The following UBE3A variants were observed in gnomAD, a reference collection of about 807,000 sequenced individuals.
The protein encoded by UBE3A is ubiquitin-protein ligase E3A.
In UBE3A, 6 loss-of-function variants were observed where a neutral mutation model predicts 83.4. The ratio of observed to expected loss-of-function variants is 0.07; its 90% confidence interval spans 0.04 to 0.14. The LOEUF (loss-of-function observed/expected upper bound fraction) is 0.14, where lower values mean the gene tolerates loss of function less well. UBE3A is among the 10% of genes least tolerant of loss of function. UBE3A has a pLI of 1.00. For missense variants in UBE3A, 456 were observed against 1,036.1 expected (o/e 0.44, Z 7.69); for synonymous variants, 337 against 355.4 (o/e 0.95, Z 0.58).
At chr15:25,387,650 A>G (rs974497140) in intron 4 of UBE3A, among the ~76,000 whole-genome samples, 67 of 152,222 alleles carry the variant, frequency 4.4e-4, no homozygotes, top group African/African-American at 1.6e-3. Flanking sequence ...ATGAAATTGA[A>G]AACAAGATAT....
chr15:25,435,317 C>T (rs1193695848), intron 1 of UBE3A, among the ~76,000 whole-genome samples: 1 of 152,100 alleles, frequency 6.6e-6, no homozygotes, highest in African/African-American at 2.4e-5. Context: ...TCTTTCTTGT[C>T]TTTGTGGGTC....
intron 1 of UBE3A, among the ~76,000 whole-genome samples, chr15:25,421,182 C>T (rs1017865931): frequency 5.3e-5 from 8 of 152,094 alleles, no homozygotes; most frequent in African/African-American, 1.9e-4. Flanking sequence ...CAGATGTGGT[C>T]GTTTAAAAAG....
chr15:25,378,131 A>C (rs2081530057), intron 4 of UBE3A, among the ~76,000 whole-genome samples: 1 of 152,174 alleles, frequency 6.6e-6, no homozygotes, highest in Non-Finnish European at 1.5e-5. Context: ...AGATTTACTA[A>C]ATTGTCTCTG....
rs2073898702 is a variant in UBE3A at position 25,335,120 on chromosome 15, C to T, written c.*4017G>A. 1 of 152,000 alleles carries T rather than the reference C, an allele frequency of 6.6e-6. No individual in the cohort carries two copies. The highest frequency in any genetic ancestry group is 1.5e-5 in the Non-Finnish European group (1 of 68,002). 9.4% of individuals were successfully genotyped at this position (152,000 alleles called of 1,614,324 possible). A position where few individuals can be genotyped will look rare whatever the true frequency, so the allele number is the denominator to read the frequency against. Reference sequence around the variant, plus strand: ...GTGGAAAGAGTATCAAGAGGAGACCCTAAGACACTCTGTAAGAATCCCAGT... The same window carrying T: ...GTGGAAAGAGTATCAAGAGGAGACCTTAAGACACTCTGTAAGAATCCCAGT... On this transcript the variant is annotated 3_prime_UTR_variant, in exon 13 of 13. Transcript: ENST00000648336.
chr15:25,394,639 T>C (rs1441372972), intron 4 of UBE3A, among the ~76,000 whole-genome samples: 3 of 152,200 alleles, frequency 2.0e-5, no homozygotes, highest in Non-Finnish European at 4.4e-5. Flanking sequence ...ATGTGGATTA[T>C]GGAGCACAGT....
At chr15:25,397,199 T>C (rs1403795317) in intron 4 of UBE3A, among the ~76,000 whole-genome samples, 3 of 23,010 alleles carry the variant, frequency 1.3e-4, no homozygotes, top group Admixed American at 7.9e-4. Flanking sequence ...ATACCAATTA[T>C]GGCTAGAAAC....
At position 25,353,993 on chromosome 15, in the gene UBE3A, G is replaced by GT. The variant is rs368308208; in HGVS notation, c.2354+359dup. On this transcript the variant is annotated intron_variant, in intron 11 of 12. Coordinates refer to ENST00000648336, the MANE Select transcript of UBE3A (RefSeq NM_130839.5). ...AAAGTGCTTGATCCTGGGAAGCCAT[G>GT]TAACAGTTCACAAATGCAGAGTTCA... 548 of 302,722 alleles carry GT rather than the reference G, an allele frequency of 1.8e-3. 4 individuals carry two copies. Among genetic ancestry groups the GT allele is most frequent in the African/African-American group, 0.011 (495 of 45,998 alleles). The allele number at this position is 302,722 out of a possible 1,614,324, so 18.8% of individuals were successfully genotyped here. A position where few individuals can be genotyped will look rare whatever the true frequency, so the allele number is the denominator to read the frequency against.
intron 1 of UBE3A, among the ~76,000 whole-genome samples, chr15:25,425,214 G>A (rs1003854750): frequency 5.3e-5 from 8 of 151,964 alleles, no homozygotes; most frequent in Non-Finnish European, 1.2e-4. Context: ...CACACAAAAG[G>A]ACACATACTG....
At chr15:25,368,752 T>A (rs919479544) in intron 6 of UBE3A, among the ~76,000 whole-genome samples, 9 of 152,108 alleles carry the variant, frequency 5.9e-5, no homozygotes, top group Non-Finnish European at 8.8e-5. Flanking sequence ...AATTCTAGAA[T>A]AGAATTTAAA....
intron 5 of UBE3A, among the ~76,000 whole-genome samples, chr15:25,372,111 T>A (rs544322725): frequency 1.3e-5 from 2 of 152,184 alleles, no homozygotes; most frequent in Non-Finnish European, 2.9e-5. Flanking sequence ...AGATATCTAT[T>A]AATGTATAGC....
chr15:25,366,939 TTTTA>T (rs532640192), intron 6 of UBE3A, among the ~76,000 whole-genome samples: 81 of 151,888 alleles, frequency 5.3e-4, no homozygotes, highest in Admixed American at 1.9e-3. Context: ...GGGCCCTGGA[TTTTA>T]TTTATTTATT....
At chr15:25,394,219 G>A (rs781369514) in intron 4 of UBE3A, among the ~76,000 whole-genome samples, 2 of 151,992 alleles carry the variant, frequency 1.3e-5, no homozygotes, top group Non-Finnish European at 2.9e-5. Context: ...ATTTACTGTC[G>A]TATCCTCAGA....
intron 6 of UBE3A, among the ~76,000 whole-genome samples, chr15:25,364,036 T>TAATA (rs370238150): frequency 0.13 from 17,366 of 137,500 alleles, 1,919 homozygotes; most frequent in African/African-American, 0.3. Flanking sequence ...TACAAAAAAC[T>TAATA]AATAAATAAA....
intron 4 of UBE3A, among the ~76,000 whole-genome samples, chr15:25,386,384 A>G (rs1378239692): frequency 6.6e-6 from 1 of 152,208 alleles, no homozygotes; most frequent in East Asian, 1.9e-4. Flanking sequence ...TACAGCAGGG[A>G]TTTGGAATTA....
At position 25,340,235 on chromosome 15, in the gene UBE3A, A is replaced by G. The variant is rs2074513385; in HGVS notation, c.2355-7T>C. Reference sequence around the variant, plus strand: ...AACGATTTCCCAGAACTCCCTAATGAGAAAAAATACAATACTGGTTTCAGT... The same window carrying G: ...AACGATTTCCCAGAACTCCCTAATGGGAAAAAATACAATACTGGTTTCAGT... On this transcript the variant is annotated splice_polypyrimidine_tract_variant and splice_region_variant and intron_variant, in intron 11 of 12. Transcript: ENST00000648336. 1 of 1,612,078 alleles carries G rather than the reference A, an allele frequency of 6.2e-7. No homozygotes were observed.
At position 25,387,679 on chromosome 15, in the gene UBE3A, GA is replaced by G. The variant is rs1250948995; in HGVS notation, c.63-11917del. On this transcript the variant is annotated intron_variant, in intron 4 of 12. Coordinates refer to ENST00000648336, the MANE Select transcript of UBE3A (RefSeq NM_130839.5). ...AAGATATCAATAGAGAAAAATCAAA[GA>G]AATCAACTAGTTCTCTGAAAAGATC... Among the ~76,000 whole-genome samples the G allele has an allele frequency of 7.2e-5, 11 of 152,136 alleles. No homozygotes were observed. In the East Asian group the frequency reaches 2.1e-3, roughly 29 times the overall value.
In UBE3A at chr15:25,340,061, A is replaced by G. The variant is rs201134574; in HGVS notation, c.2498+24T>C. 78 of 1,613,940 alleles carry G rather than the reference A, an allele frequency of 4.8e-5. No individual in the cohort carries two copies. In the African/African-American group the frequency reaches 9.6e-4, roughly 20 times the overall value. ...AATGCAAGGTTTTCGGTAGGTATAC[A>G]GTCACAAGTTAATAATTACCTACCT... is the stretch of plus-strand genomic sequence containing the variant. On this transcript the variant is annotated intron_variant, in intron 12 of 12. Transcript: ENST00000648336.
In UBE3A at chr15:25,354,489, A is replaced by G. The variant is rs778909379; in HGVS notation, c.2280+39T>C. The stretch of plus-strand genomic sequence containing the variant: ...TACTACTGTATCATTACAAACAATA[A>G]ATCGATACATGACTTTTTGCAGACA... On this transcript the variant is annotated intron_variant, in intron 10 of 12. Coordinates refer to ENST00000648336, the MANE Select transcript of UBE3A (RefSeq NM_130839.5). 8 of 1,613,794 alleles carry G rather than the reference A, an allele frequency of 5.0e-6. No individual in the cohort carries two copies. The African/African-American group carries it at 1.1e-4, about 22-fold the overall frequency.
At chr15:25,379,085 A>C (rs2081716339) in intron 4 of UBE3A, among the ~76,000 whole-genome samples, 1 of 152,152 alleles carries the variant, frequency 6.6e-6, no homozygotes, top group African/African-American at 2.4e-5. Context: ...TCTGGACGTA[A>C]GTTTCCTCGT....
Sources: allele counts gnomAD v4.1 joint callset (sites outside exome capture counted in the v4.1 genomes callset), GRCh38; gene constraint gnomAD v4.1.1; transcripts MANE v1.5; gene names NCBI Gene and HGNC (gene_info 2026-07-23, HGNC 2026-07-21).